Variants in TMEM259 observed in about 807,000 individuals in gnomAD.
The protein encoded by TMEM259 is membralin.
In TMEM259, 26 loss-of-function variants were observed where a neutral mutation model predicts 46.7. That is an observed-to-expected ratio of 0.56 (90% CI 0.41 to 0.77). The LOEUF (loss-of-function observed/expected upper bound fraction) is 0.77. Ranked by LOEUF, TMEM259 falls within the 30% of genes least tolerant of loss-of-function variation. The probability of loss-of-function intolerance (pLI) is 0.00; values close to 1 mark genes in which losing one functional copy is unlikely to be tolerated. For synonymous variants in TMEM259, 494 were observed against 395.1 expected, an observed-to-expected ratio of 1.25 and a Z score of -2.97; for missense variants, 930 against 900.5, an observed-to-expected ratio of 1.03 and a Z score of -0.42.
chr19:1,010,774 T>C lies in TMEM259; in HGVS notation c.1439A>G (p.Asp480Gly). ...GGCGCCCGAGTTGTTGTTCATGTCA[T>C]CGGGCAGCGCCGTGGGGGTCCCGGG... ...LGPGTPTALP[D>G]DMNNNSGAPA... Residue 480 changes from aspartate (D) to glycine (G), a missense_variant, in exon 11 of 11, where the codon GAT becomes GGT. Asp to Gly is a moderately conservative substitution (Grantham distance 94, BLOSUM62 -1). Transcript: ENST00000356663. The C allele has an allele frequency of 6.4e-7, 1 of 1,552,514 alleles. No individual in the cohort carries two copies. The highest frequency in any genetic ancestry group is 8.6e-7 in the Non-Finnish European group (1 of 1,157,600).
chr19:1,018,001 G>A (rs576980559), intron 1 of TMEM259, among the ~76,000 whole-genome samples: 63 of 152,098 alleles, frequency 4.1e-4, no homozygotes, highest in African/African-American at 1.4e-3. Flanking sequence ...GTCTTTAATC[G>A]TCACGACCCC....
intron 10 of TMEM259, 53 bp downstream of exon 10, chr19:1,011,043 C>G: frequency 6.4e-7 from 1 of 1,556,248 alleles, no homozygotes; most frequent in East Asian, 2.4e-5. Context: ...TGCAGCCTCT[C>G]CTGCCTGGAA....
Position 1,020,555 on chromosome 19 carries a change from C to A in TMEM259, c.225+217G>T, listed in dbSNP as rs1032410324. On this transcript the variant is annotated intron_variant, in intron 1 of 10. Coordinates refer to ENST00000356663, the MANE Select transcript of TMEM259 (RefSeq NM_001033026.2). The surrounding 1 kb of genome is among the most constrained non-coding windows in gnomAD (Gnocchi z 4.0). ...GGATCCGGCCTTCCCGGGTGGACGTCCCCGGGCGGGATGGGGTCACGAGAC... is the reference window on the plus strand; with the variant it reads ...GGATCCGGCCTTCCCGGGTGGACGTACCCGGGCGGGATGGGGTCACGAGAC... Among the ~76,000 whole-genome samples the A allele has an allele frequency of 6.6e-6, 1 of 152,034 alleles. No individual in the cohort carries two copies. The highest frequency in any genetic ancestry group is 2.4e-5 in the African/African-American group (1 of 41,412).
At position 1,009,672 on chromosome 19, in the gene TMEM259, A is replaced by G. The variant is rs1016443416; in HGVS notation, c.*678T>C. 8.2e-7 allele frequency: 1 copy of G among 1,222,216 alleles called. No individual in the cohort carries two copies. The allele number at this position is 1,222,216 out of a possible 1,614,324, so 75.7% of individuals were successfully genotyped here. A position where few individuals can be genotyped will look rare whatever the true frequency, so the allele number is the denominator to read the frequency against. On this transcript the variant is annotated 3_prime_UTR_variant, in exon 11 of 11. Coordinates refer to ENST00000356663, the MANE Select transcript of TMEM259 (RefSeq NM_001033026.2). ...GTGAGCCGCTGTCAACAGACAGTTT[A>G]TTCTATATACAAACACAATTTTGTA...
Position 1,020,988 on chromosome 19 carries a change from C to T in TMEM259, c.9G>A (p.Glu3=). MS[E]HVEPAAPGPG... is the part of the protein sequence containing the mutation. ...GCCCCGGAGCTGCGGGCTCCACGTGCTCCGACATGCCTCCCAGCGTCGCGC... is the reference window on the plus strand; with the variant it reads ...GCCCCGGAGCTGCGGGCTCCACGTGTTCCGACATGCCTCCCAGCGTCGCGC... Residue 3 remains glutamate, a synonymous_variant, in exon 1 of 11, where the codon GAG becomes GAA. Transcript: ENST00000356663. This position sits in a 1 kb window ranked among gnomAD's most constrained non-coding sequence, Gnocchi z 4.0. The T allele has an allele frequency of 7.4e-7, 1 of 1,350,826 alleles. No individual in the cohort carries two copies. Among genetic ancestry groups the T allele is most frequent in the Non-Finnish European group, 9.6e-7 (1 of 1,041,300 alleles). The allele number at this position is 1,350,826 out of a possible 1,614,324, so 83.7% of individuals were successfully genotyped here.
In TMEM259 at chr19:1,010,490, C is replaced by T. The variant is rs1319721903; in HGVS notation, c.1723G>A (p.Gly575Ser). 1.3e-5 allele frequency: 20 copies of T among 1,546,664 alleles called. No homozygotes were observed. Among genetic ancestry groups the T allele is most frequent in the South Asian group, 8.3e-5 (7 of 83,956 alleles). Residue 575 changes from glycine to serine, a missense_variant, in exon 11 of 11, where the codon GGC becomes AGC. Coordinates refer to ENST00000356663, the MANE Select transcript of TMEM259 (RefSeq NM_001033026.2). ...CTGTCCTGGGGGGCGTGGGGGAGGC[C>T]CCCAGCAGGGCCCAGCGGGCTGGCT... ...RPASPLGPAG[G>S]LPHAPQDSVP...
At chr19:1,010,972 C>T in intron 10 of TMEM259, 77 bp from the exon 11 acceptor site, 1 of 1,552,522 alleles carries the variant, frequency 6.4e-7, no homozygotes, top group South Asian at 1.2e-5. Flanking sequence ...GGCAGCCCAC[C>T]CGGGACCATC....
At chr19:1,019,382 G>A (rs2039213493) in intron 1 of TMEM259, among the ~76,000 whole-genome samples, 2 of 152,208 alleles carry the variant, frequency 1.3e-5, no homozygotes, top group South Asian at 2.1e-4. Flanking sequence ...ACCAGCCTCC[G>A]TCCACAGTTT....
chr19:1,021,002 C>A lies in TMEM259; in HGVS notation c.-6G>T, dbSNP rs1217820785. The A allele has an allele frequency of 7.3e-7, 1 of 1,360,606 alleles. No homozygotes were observed. The highest frequency in any genetic ancestry group is 1.5e-5 in the African/African-American group (1 of 65,488). 84.3% of individuals were successfully genotyped at this position (1,360,606 alleles called of 1,614,324 possible). A position where few individuals can be genotyped will look rare whatever the true frequency, so the allele number is the denominator to read the frequency against. ...GGCTCCACGTGCTCCGACATGCCTC[C>A]CAGCGTCGCGCCCTAACGACCCGCA... is the stretch of plus-strand genomic sequence containing the variant. On this transcript the variant is annotated 5_prime_UTR_variant, in exon 1 of 11. Coordinates refer to ENST00000356663, the MANE Select transcript of TMEM259 (RefSeq NM_001033026.2).
At chr19:1,013,675 C>T (rs1013604286) in intron 2 of TMEM259, 17 of 297,464 alleles carry the variant, frequency 5.7e-5, no homozygotes, top group Non-Finnish European at 7.7e-5. Context: ...CAGGTGGGAC[C>T]CCAAACCCTG....
At position 1,010,033 on chromosome 19, in the gene TMEM259, T is replaced by A; in HGVS notation, c.*317A>T. On this transcript the variant is annotated 3_prime_UTR_variant, in exon 11 of 11. Coordinates refer to ENST00000356663, the MANE Select transcript of TMEM259 (RefSeq NM_001033026.2). ...CACACCTCCGCCTTGCTCAGAGACCTGCACCATGGGACCCCACTCCATCCT... is the reference window on the plus strand; with the variant it reads ...CACACCTCCGCCTTGCTCAGAGACCAGCACCATGGGACCCCACTCCATCCT... 2.6e-6 allele frequency: 1 copy of A among 379,122 alleles called. No homozygotes were observed. The allele number at this position is 379,122 out of a possible 1,614,324, so 23.5% of individuals were successfully genotyped here.
At chr19:1,018,005 C>T (rs1021642031) in intron 1 of TMEM259, among the ~76,000 whole-genome samples, 5 of 152,198 alleles carry the variant, frequency 3.3e-5, no homozygotes, top group Non-Finnish European at 7.4e-5. Flanking sequence ...TTAATCGTCA[C>T]GACCCCACAA....
intron 4 of TMEM259, 80 bp downstream of exon 4, chr19:1,012,383 C>G (rs979167277): frequency 6.1e-5 from 93 of 1,519,762 alleles, no homozygotes; most frequent in Non-Finnish European, 8.0e-5. Flanking sequence ...AGCCCCCCGT[C>G]CCGCACCAGC....
chr19:1,013,087 T>C (rs996629733), intron 3 of TMEM259, among the ~76,000 whole-genome samples, 154 bp downstream of exon 3: 42 of 152,126 alleles, frequency 2.8e-4, no homozygotes, highest in South Asian at 4.1e-4. Context: ...CCTCCTGTGC[T>C]GACAGATGGG....
intron 1 of TMEM259, chr19:1,017,212 C>G (rs940747585): frequency 2.5e-6 from 1 of 399,964 alleles, no homozygotes; most frequent in South Asian, 1.2e-4. Context: ...CTCACCAGGC[C>G]CGGCCCTGAG....
chr19:1,015,266 G>A (rs1448568514), intron 1 of TMEM259, among the ~76,000 whole-genome samples: 1 of 152,232 alleles, frequency 6.6e-6, no homozygotes, highest in African/African-American at 2.4e-5. Flanking sequence ...TCTCACCTGG[G>A]GGCTCCTGCC....
Position 1,020,331 on chromosome 19 carries a change from G to A in TMEM259, c.225+441C>T, listed in dbSNP as rs1391475888. 2.0e-5 allele frequency among the ~76,000 whole-genome samples: 3 copies of A among 152,044 alleles called. No homozygotes were observed. Among genetic ancestry groups the A allele is most frequent in the Non-Finnish European group, 4.4e-5 (3 of 68,000 alleles). On this transcript the variant is annotated intron_variant, in intron 1 of 10. Coordinates refer to ENST00000356663, the MANE Select transcript of TMEM259 (RefSeq NM_001033026.2). This position sits in a 1 kb window ranked among gnomAD's most constrained non-coding sequence, Gnocchi z 4.0. ...TCTGGGCCAGCACATTGGGAGGGGA[G>A]AGAGGCCTCGGAACTGAGGGTCTCA...
chr19:1,011,700 T>G, intron 7 of TMEM259, 37 bp from the exon 8 acceptor site: 14 of 1,530,984 alleles, frequency 9.1e-6, no homozygotes, highest in Non-Finnish European at 1.2e-5. Context: ...GGTGAGGGCC[T>G]GGAGGACGCC....
chr19:1,013,354 G>A lies in TMEM259; in HGVS notation c.508-14C>T, dbSNP rs2039002695. 5 of 1,612,946 alleles carry A rather than the reference G, an allele frequency of 3.1e-6. No individual in the cohort carries two copies. The African/African-American group carries it at 5.3e-5, about 17-fold the overall frequency. ...GTCCAGCTCAAACTGTGGGCGACCA[G>A]GGACCTGGGTGTCAGCAGCGCCAGC... On this transcript the variant is annotated splice_polypyrimidine_tract_variant and intron_variant, in intron 2 of 10. Coordinates refer to ENST00000356663, the MANE Select transcript of TMEM259 (RefSeq NM_001033026.2).
Sources: gnomAD v4.1 joint callset for allele counts (sites outside exome capture counted in the v4.1 genomes callset) on GRCh38, gnomAD v4.1.1 for gene constraint, Gnocchi (gnomAD v3.1) non-coding constraint, MANE v1.5 for transcripts, NCBI Gene and HGNC (gene_info 2026-07-23, HGNC 2026-07-21) for gene names.